The following CCNJL variants were observed in gnomAD, a reference collection of about 807,000 sequenced individuals.
CCNJL encodes cyclin J like.
A neutral mutation model predicts 33.4 loss-of-function variants in CCNJL; 33 were observed. That is an observed-to-expected ratio of 0.99 (90% CI 0.75 to 1.32). The LOEUF (loss-of-function observed/expected upper bound fraction) is 1.32, where lower values mean the gene tolerates loss of function less well. Ranked by LOEUF, CCNJL falls within the 40% of genes most tolerant of loss-of-function variation. The pLI is 0.00. For missense variants in CCNJL, 512 were observed against 499.7 expected (o/e 1.02, Z -0.23); for synonymous variants, 227 against 220.9 (o/e 1.03, Z -0.24).
upstream of CCNJL, chr5:160,315,472 A>T (rs887961335): frequency 3.2e-5 from 14 of 443,868 alleles, no homozygotes; most frequent in Non-Finnish European, 6.4e-5. Flanking sequence ...GTGCCACTGC[A>T]CTCCAGCCTG....
At chr5:160,281,684 CCT>C (rs1762220622) in intron 2 of CCNJL, among the ~76,000 whole-genome samples, 1 of 152,202 alleles carries the variant, frequency 6.6e-6, no homozygotes, top group East Asian at 1.9e-4. Context: ...GGAGTCTCCC[CCT>C]CTTACCCAGG....
intron 2 of CCNJL, among the ~76,000 whole-genome samples, chr5:160,293,999 C>T (rs1762671079): frequency 6.6e-6 from 1 of 152,112 alleles, no homozygotes; most frequent in Admixed American, 6.5e-5. Context: ...GAATCCACGC[C>T]CTGGGTTGAG....
chr5:160,282,991 A>ATATG (rs1762281236), intron 2 of CCNJL, among the ~76,000 whole-genome samples: 1 of 59,982 alleles, frequency 1.7e-5, no homozygotes, highest in Non-Finnish European at 3.0e-5. Context: ...ATATATATAT[A>ATATG]TATATATATA....
Position 160,297,421 on chromosome 5 carries a change from C to G in CCNJL, c.66+14437G>C, listed in dbSNP as rs566701587. Among the ~76,000 whole-genome samples the G allele has an allele frequency of 2.6e-5, 4 of 152,072 alleles. No individual in the cohort carries two copies. The East Asian group carries it at 7.7e-4, about 29-fold the overall frequency. On this transcript the variant is annotated intron_variant, in intron 2 of 5. Coordinates refer to ENST00000257536, the MANE Select transcript of CCNJL (RefSeq NM_001308173.3). ...CTTCTTCCTAACTAGAATGCTGAAT[C>G]CCCTCTTCCTGAAACATGGCTCTGG...
intron 2 of CCNJL, among the ~76,000 whole-genome samples, chr5:160,297,635 G>A (rs542945981): frequency 7.2e-6 from 1 of 138,160 alleles, no homozygotes; most frequent in East Asian, 2.1e-4. Flanking sequence ...GCAACACAGT[G>A]AGATCTCGTC....
At chr5:160,320,784 C>CT (rs1763430953) in intron 1 of CCNJL, among the ~76,000 whole-genome samples, 1 of 145,478 alleles carries the variant, frequency 6.9e-6, no homozygotes, top group African/African-American at 2.8e-5. Flanking sequence ...TCTTTTCTTT[C>CT]TTTCCTTTCT....
intron 5 of CCNJL, chr5:160,254,354 C>A: frequency 1.5e-6 from 1 of 657,512 alleles, no homozygotes; most frequent in Non-Finnish European, 2.7e-6. Context: ...GAGATTTTTG[C>A]CATCTCAAAA....
At chr5:160,296,118 G>A (rs1335906107) in intron 2 of CCNJL, among the ~76,000 whole-genome samples, 2 of 122,888 alleles carry the variant, frequency 1.6e-5, no homozygotes, top group Non-Finnish European at 1.7e-5. Context: ...TGTGTTAAAT[G>A]CAGGAATAAA....
chr5:160,310,062 G>C (rs1242478175), intron 2 of CCNJL, among the ~76,000 whole-genome samples: 1 of 152,184 alleles, frequency 6.6e-6, no homozygotes, highest in Non-Finnish European at 1.5e-5. Context: ...GGCATTTATT[G>C]CTCTTAGAAA....
At chr5:160,322,093 G>A (rs1342770458) in intron 1 of CCNJL, among the ~76,000 whole-genome samples, 2 of 152,158 alleles carry the variant, frequency 1.3e-5, no homozygotes, top group Non-Finnish European at 2.9e-5. Flanking sequence ...CTTGAGCATA[G>A]TTAGAAACAG....
At chr5:160,282,441 A>C (rs768737567) in intron 2 of CCNJL, among the ~76,000 whole-genome samples, 42 of 152,266 alleles carry the variant, frequency 2.8e-4, no homozygotes, top group Non-Finnish European at 5.1e-4. Flanking sequence ...AGAAGCATCA[A>C]GGGAAAAATA....
rs1007698717 is a variant in CCNJL, at chr5:160,250,209, C to T, written c.*3169G>A. The T allele has an allele frequency of 1.3e-5, 2 of 152,222 alleles. No homozygotes were observed. The highest frequency in any genetic ancestry group is 2.9e-5 in the Non-Finnish European group (2 of 68,052). The allele number at this position is 152,222 out of a possible 1,614,324, so 9.4% of individuals were successfully genotyped here. On this transcript the variant is annotated 3_prime_UTR_variant, in exon 6 of 6. Transcript: ENST00000257536. Reference sequence around the variant, plus strand: ...CCCGCCCCAAGAGCTTAGAACCATCCACCAACTTGACCATCTCCATAGTAA... The same window carrying T: ...CCCGCCCCAAGAGCTTAGAACCATCTACCAACTTGACCATCTCCATAGTAA...
rs1580979706 is a variant in CCNJL, at chr5:160,280,709, G to A, written c.96C>T (p.His32=). The change falls in exon 3 of 6, where the codon CAC becomes CAT. Residue 32 remains histidine (H), a synonymous_variant. Coordinates refer to ENST00000257536, the MANE Select transcript of CCNJL (RefSeq NM_001308173.3). ...ACCGGCGGCTCTTCAGGAGTGGGGA[G>A]TGGGCTCGGAAGGTGGGCAGCTTCA... ...KELKLPTFRA[H]SPLLKSRRFF... is the part of the protein sequence containing the mutation. The A allele has an allele frequency of 1.2e-6, 2 of 1,610,630 alleles. No individual in the cohort carries two copies. The highest frequency in any genetic ancestry group is 1.7e-6 in the Non-Finnish European group (2 of 1,178,584).
At chr5:160,281,398 A>T (rs544473603) in intron 2 of CCNJL, 1 of 155,750 alleles carries the variant, frequency 6.4e-6, no homozygotes, top group South Asian at 1.9e-4. Context: ...CTACATGCAT[A>T]TACATTTTTT....
At chr5:160,297,370 A>G (rs148025985) in intron 2 of CCNJL, among the ~76,000 whole-genome samples, 9 of 140,036 alleles carry the variant, frequency 6.4e-5, no homozygotes, top group African/African-American at 1.9e-4. Flanking sequence ...AGTTGAAGCC[A>G]GCAAAGCCCA....
At chr5:160,283,001 ATATATATACATATATATATATATATAC>A (rs2113363395) in intron 2 of CCNJL, among the ~76,000 whole-genome samples, 1 of 57,460 alleles carries the variant, frequency 1.7e-5, no homozygotes, top group Non-Finnish European at 3.1e-5. Flanking sequence ...ATATATATAT[ATATATATACATATATATATATATATAC>A]CTAAGAGAAA....
chr5:160,277,669 G>A (rs1354027036), intron 3 of CCNJL, among the ~76,000 whole-genome samples: 1 of 151,990 alleles, frequency 6.6e-6, no homozygotes, highest in Non-Finnish European at 1.5e-5. Flanking sequence ...ATGGGTCCCT[G>A]GCTGAGCCCT....
intron 3 of CCNJL, among the ~76,000 whole-genome samples, chr5:160,263,822 T>C (rs1412897049): frequency 6.6e-6 from 1 of 152,216 alleles, no homozygotes; most frequent in Admixed American, 6.5e-5. Flanking sequence ...GATCCTTTTC[T>C]GAATAAATTA....
intron 1 of CCNJL, chr5:160,326,916 G>T (rs995932795): frequency 6.1e-6 from 4 of 659,344 alleles, no homozygotes; most frequent in Admixed American, 5.4e-5. Context: ...GAATACGACC[G>T]AGTCGGATCA....
Sources: allele counts gnomAD v4.1 joint callset (sites outside exome capture counted in the v4.1 genomes callset), GRCh38; gene constraint gnomAD v4.1.1; transcripts MANE v1.5; gene names NCBI Gene and HGNC (gene_info 2026-07-23, HGNC 2026-07-21).